SNAP25: variants seen among roughly 807,000 people sequenced by gnomAD.
SNAP25 encodes synaptosome associated protein 25, also known as synaptosomal-associated protein 25.
In SNAP25, 3 loss-of-function variants were observed where a neutral mutation model predicts 28.7. The observed-to-expected ratio is 0.10, with a 90% confidence interval of 0.05 to 0.27. The LOEUF (loss-of-function observed/expected upper bound fraction) is 0.27, where lower values mean the gene tolerates loss of function less well. SNAP25 is among the 10% of genes least tolerant of loss of function. SNAP25 has a pLI of 1.00. For synonymous variants in SNAP25, 61 were observed against 88.1 expected, an observed-to-expected ratio of 0.69 and a Z score of 1.72; for missense variants, 117 against 278.7, an observed-to-expected ratio of 0.42 and a Z score of 4.13.
At chr20:10,276,879 C>T (rs1182208921) in intron 2 of SNAP25, among the ~76,000 whole-genome samples, 7 of 152,338 alleles carry the variant, frequency 4.6e-5, no homozygotes. Flanking sequence ...CCTTTACCAG[C>T]AGACTGCTGC....
chr20:10,236,483 C>T (rs1568577118), intron 1 of SNAP25, among the ~76,000 whole-genome samples: 2 of 152,088 alleles, frequency 1.3e-5, no homozygotes, highest in African/African-American at 2.4e-5. Flanking sequence ...TTGGTAAAGA[C>T]GATTGCATTT....
At chr20:10,219,787 T>A (rs1158688406) in intron 1 of SNAP25, 3 of 152,152 alleles carry the variant, frequency 2.0e-5, no homozygotes, top group Non-Finnish European at 4.4e-5. Context: ...GAGACCCCGG[T>A]CTTACGGAGA....
At chr20:10,260,757 G>A (rs1312897024) in intron 1 of SNAP25, among the ~76,000 whole-genome samples, 1 of 151,040 alleles carries the variant, frequency 6.6e-6, no homozygotes, top group Non-Finnish European at 1.5e-5. Flanking sequence ...CTTATATTAT[G>A]TGGGATGGTA....
intron 1 of SNAP25, among the ~76,000 whole-genome samples, chr20:10,221,719 G>A (rs1191793839): frequency 2.0e-5 from 3 of 152,162 alleles, no homozygotes; most frequent in Admixed American, 1.3e-4. Context: ...CAAACTACCC[G>A]TTAATTAGCT....
At chr20:10,251,630 A>G (rs2063230207) in intron 1 of SNAP25, among the ~76,000 whole-genome samples, 2 of 152,232 alleles carry the variant, frequency 1.3e-5, no homozygotes, top group Admixed American at 1.3e-4. Context: ...CCAAAAAGGA[A>G]CACATAAATC....
Position 10,284,632 on chromosome 20 carries a change from T to C in SNAP25, c.115-92T>C, listed in dbSNP as rs1328492578. ...TCTTTTGGTCCTTCTTCATTTTCCA[T>C]TTATAGGGCTAATTGTCCCCTTACT... On this transcript the variant is annotated intron_variant, in intron 3 of 7. Transcript: ENST00000254976. The C allele has an allele frequency of 4.1e-6, 4 of 981,920 alleles. No individual in the cohort carries two copies. In the African/African-American group the frequency reaches 4.9e-5, roughly 12 times the overall value. The allele number at this position is 981,920 out of a possible 1,614,324, so 60.8% of individuals were successfully genotyped here.
In SNAP25 at chr20:10,254,442, T is replaced by A. The variant is rs115962288; in HGVS notation, c.-63-20987T>A. 2.5e-3 allele frequency among the ~76,000 whole-genome samples: 380 copies of A among 152,306 alleles called. 4 individuals are homozygous for A. Among genetic ancestry groups the A allele is most frequent in the African/African-American group, 9.0e-3 (376 of 41,580 alleles). ...CCCTTCCTGATCTCCCCCCAGAGCA[T>A]TCCCTCAACAAATTCCCTTTACATA... On this transcript the variant is annotated intron_variant, in intron 1 of 7. Transcript: ENST00000254976.
At chr20:10,301,084 G>A (rs755916252) in intron 7 of SNAP25, among the ~76,000 whole-genome samples, 27 of 152,304 alleles carry the variant, frequency 1.8e-4, no homozygotes, top group Admixed American at 5.2e-4. Flanking sequence ...CAGAAGGAGC[G>A]TCTTTACTAA....
intron 1 of SNAP25, among the ~76,000 whole-genome samples, chr20:10,254,207 C>A (rs980117587): frequency 6.6e-6 from 1 of 152,214 alleles, no homozygotes; most frequent in African/African-American, 2.4e-5. Context: ...CATACAGAGA[C>A]CAGAAATGGC....
Position 10,263,009 on chromosome 20 carries a change from C to CTT in SNAP25, c.-63-12394_-63-12393dup, listed in dbSNP as rs57690835. ...TCAGGCGAAGCAACCCTGGGGTGCT[C>CTT]TTTTTTTTTTTTTTTTTTTTTTTTT... On this transcript the variant is annotated intron_variant, in intron 1 of 7. Coordinates refer to ENST00000254976, the MANE Select transcript of SNAP25 (RefSeq NM_130811.4). Among the ~76,000 whole-genome samples, 119 of 50,638 alleles carry CTT rather than the reference C, an allele frequency of 2.4e-3. 11 individuals are homozygous for CTT. Among genetic ancestry groups the CTT allele is most frequent in the African/African-American group, 8.6e-3 (110 of 12,792 alleles). 33.2% of individuals were successfully genotyped at this position (50,638 alleles called of 152,430 possible). A position where few individuals can be genotyped will look rare whatever the true frequency, so the allele number is the denominator to read the frequency against.
At chr20:10,246,769 A>G (rs1368108101) in intron 1 of SNAP25, among the ~76,000 whole-genome samples, 1 of 152,212 alleles carries the variant, frequency 6.6e-6, no homozygotes, top group Non-Finnish European at 1.5e-5. Flanking sequence ...TATTCATTCT[A>G]AAGATGTGTT....
intron 6 of SNAP25, among the ~76,000 whole-genome samples, chr20:10,297,917 T>C (rs368099343): frequency 2.0e-5 from 3 of 151,936 alleles, no homozygotes; most frequent in Non-Finnish European, 4.4e-5. Context: ...TTTTGAAACC[T>C]AGAATCAAAA....
chr20:10,240,273 T>C (rs1477493330), intron 1 of SNAP25, among the ~76,000 whole-genome samples: 2 of 152,048 alleles, frequency 1.3e-5, no homozygotes, highest in Non-Finnish European at 2.9e-5. Flanking sequence ...CAGAAGAATC[T>C]CTCTCTTCAG....
chr20:10,251,644 T>G (rs1459136372), intron 1 of SNAP25, among the ~76,000 whole-genome samples: 1 of 152,222 alleles, frequency 6.6e-6, no homozygotes, highest in Non-Finnish European at 1.5e-5. Context: ...ATAAATCTAT[T>G]TGAATGGAGC....
At chr20:10,287,910 C>CA (rs1459074761) in intron 4 of SNAP25, among the ~76,000 whole-genome samples, 8 of 150,202 alleles carry the variant, frequency 5.3e-5, no homozygotes, top group African/African-American at 1.7e-4. Context: ...ATTGCAAGAC[C>CA]AAAAAATCAA....
At chr20:10,242,303 T>C (rs1225495161) in intron 1 of SNAP25, among the ~76,000 whole-genome samples, 1 of 152,260 alleles carries the variant, frequency 6.6e-6, no homozygotes, top group Non-Finnish European at 1.5e-5. Context: ...GGAGTGTGGA[T>C]TGCATCACAG....
At position 10,224,945 on chromosome 20, in the gene SNAP25, G is replaced by A. The variant is rs189681776; in HGVS notation, c.-64+5968G>A. On this transcript the variant is annotated intron_variant, in intron 1 of 7. Transcript: ENST00000254976. ...CACTCATCCTCTTACTTCTTCTGCC[G>A]CTTAGCAAAGAGGAAACAGAAGCTT... 2.1e-3 allele frequency among the ~76,000 whole-genome samples: 323 copies of A among 151,860 alleles called. 1 individual carries two copies. Among genetic ancestry groups the A allele is most frequent in the African/African-American group, 7.1e-3 (293 of 41,402 alleles).
intron 7 of SNAP25, among the ~76,000 whole-genome samples, chr20:10,300,514 T>G (rs1423405515): frequency 6.6e-6 from 1 of 152,206 alleles, no homozygotes; most frequent in Non-Finnish European, 1.5e-5. Context: ...ATCCTAAATT[T>G]TCTTATAATA....
intron 1 of SNAP25, among the ~76,000 whole-genome samples, chr20:10,233,170 T>A (rs2062855710): frequency 6.6e-6 from 1 of 152,166 alleles, no homozygotes; most frequent in Non-Finnish European, 1.5e-5. Flanking sequence ...CCTCCTATCA[T>A]GACCATATTA....
Sources: allele counts gnomAD v4.1 joint callset (sites outside exome capture counted in the v4.1 genomes callset), GRCh38; gene constraint gnomAD v4.1.1; transcripts MANE v1.5; gene names NCBI Gene and HGNC (gene_info 2026-07-23, HGNC 2026-07-21).